Variants in HACL1 observed in about 807,000 individuals in gnomAD.
The protein encoded by HACL1 is 1600020H07Rik.
In HACL1, 64 loss-of-function variants were observed where a neutral mutation model predicts 74.2. The ratio of observed to expected loss-of-function variants is 0.86; its 90% CI spans 0.70 to 1.06. The LOEUF is 1.06. Among genes scored for constraint, HACL1 ranks in the 50% least tolerant of loss-of-function variants. HACL1 has a pLI of 0.00. For missense variants in HACL1, 728 were observed against 719.7 expected (o/e 1.01, Z -0.13); for synonymous variants, 230 against 238.8 (o/e 0.96, Z 0.34).
rs1402801621 is a variant in HACL1, at chr3:15,560,765, T to C, written c.*100A>G. 2.5e-6 allele frequency: 2 copies of C among 811,332 alleles called. No homozygotes were observed. The highest frequency in any genetic ancestry group is 2.1e-6 in the Non-Finnish European group (1 of 475,310). The allele number at this position is 811,332 out of a possible 1,614,324, so 50.3% of individuals were successfully genotyped here. ...AAAATGTCATTTTAAATGTTTATTT[T>C]ATTTTGCACAATTTTAACAGTAGAG... On this transcript the variant is annotated 3_prime_UTR_variant, in exon 17 of 17. Transcript: ENST00000321169.
intron 16 of HACL1, among the ~76,000 whole-genome samples, chr3:15,562,375 C>G (rs2063358350): frequency 6.6e-6 from 1 of 152,192 alleles, no homozygotes; most frequent in African/African-American, 2.4e-5. Flanking sequence ...TCTCCTCTCT[C>G]TGCTAGGAAG....
chr3:15,588,689 T>C (rs1425590475), intron 5 of HACL1, among the ~76,000 whole-genome samples: 1 of 152,150 alleles, frequency 6.6e-6, no homozygotes, highest in Non-Finnish European at 1.5e-5. Flanking sequence ...GCTCCAGCAA[T>C]TCTCCCTCCT....
intron 4 of HACL1, among the ~76,000 whole-genome samples, chr3:15,590,501 T>G (rs2063871998): frequency 6.6e-6 from 1 of 152,180 alleles, no homozygotes; most frequent in South Asian, 2.1e-4. Flanking sequence ...ATGTTCCAAA[T>G]TGATTAGAAC....
chr3:15,592,264 A>ATACG lies in HACL1; in HGVS notation c.228-585_228-584insCGTA, dbSNP rs201169392. On this transcript the variant is annotated intron_variant, in intron 3 of 16. Transcript: ENST00000321169. Reference sequence around the variant, plus strand: ...TATACATACGTGTATATATGGATCCATATATACGTATACATACGTGTATAT... The same window carrying ATACG: ...TATACATACGTGTATATATGGATCCATACGTATATACGTATACATACGTGTATAT... Among the ~76,000 whole-genome samples, 1,094 of 150,290 alleles carry ATACG rather than the reference A, an allele frequency of 7.3e-3. 11 individuals carry two copies. Among genetic ancestry groups the ATACG allele is most frequent in the Non-Finnish European group, 0.011 (755 of 67,456 alleles).
chr3:15,580,241 C>G (rs1266791109), intron 8 of HACL1, among the ~76,000 whole-genome samples, 196 bp from the exon 9 acceptor site: 2 of 152,174 alleles, frequency 1.3e-5, no homozygotes, highest in Non-Finnish European at 2.9e-5. Context: ...AATCTTTCCT[C>G]CTCAGCTTCC....
intron 9 of HACL1, among the ~76,000 whole-genome samples, chr3:15,579,116 T>C (rs1016219400): frequency 3.3e-5 from 5 of 152,216 alleles, no homozygotes; most frequent in Admixed American, 6.5e-5. Flanking sequence ...CGTTGACTGA[T>C]TGCTAAGAGA....
intron 3 of HACL1, chr3:15,596,162 A>AGT (rs1193580101): frequency 2.0e-6 from 1 of 496,218 alleles, no homozygotes; most frequent in East Asian, 3.4e-5. Flanking sequence ...TCTGATCACC[A>AGT]GTGATTCACT....
At chr3:15,593,279 T>C (rs1194706166) in intron 3 of HACL1, among the ~76,000 whole-genome samples, 1 of 151,700 alleles carries the variant, frequency 6.6e-6, no homozygotes, top group African/African-American at 2.4e-5. Flanking sequence ...AGTGGCATGA[T>C]CAGGGCTCAC....
At chr3:15,593,491 T>C (rs2063995606) in intron 3 of HACL1, among the ~76,000 whole-genome samples, 1 of 152,074 alleles carries the variant, frequency 6.6e-6, no homozygotes, top group Non-Finnish European at 1.5e-5. Flanking sequence ...AGTGCTGGGA[T>C]TACAGGCATA....
chr3:15,600,828 A>G, intron 2 of HACL1: 1 of 561,142 alleles, frequency 1.8e-6, no homozygotes, highest in East Asian at 3.0e-5. Context: ...TAGTAAGAGA[A>G]TGGACTCAGA....
At chr3:15,582,810 T>G in intron 8 of HACL1, 67 bp downstream of exon 8, 1 of 758,358 alleles carries the variant, frequency 1.3e-6, no homozygotes, top group Non-Finnish European at 2.3e-6. Flanking sequence ...TAATAAACAA[T>G]GAAAGTTTGT....
intron 15 of HACL1, among the ~76,000 whole-genome samples, chr3:15,563,912 G>A (rs532041668): frequency 1.3e-5 from 2 of 152,154 alleles, no homozygotes; most frequent in Admixed American, 1.3e-4. Context: ...CATGCCTAGT[G>A]GCTACTATAC....
chr3:15,565,966 T>C (rs1335624374), intron 14 of HACL1, among the ~76,000 whole-genome samples: 1 of 152,216 alleles, frequency 6.6e-6, no homozygotes, highest in African/African-American at 2.4e-5. Context: ...TTTAAAGTAA[T>C]CTAGACATCA....
rs977107228 is a variant in HACL1 at position 15,580,052 on chromosome 3, G to C, written c.668-7C>G. 1 of 1,610,002 alleles carries C rather than the reference G, an allele frequency of 6.2e-7. No homozygotes were observed. The highest frequency in any genetic ancestry group is 8.5e-7 in the Non-Finnish European group (1 of 1,176,924). ...GCATGAGCGTAAGCAGCACCTATAA[G>C]AAATGCAAATGTATTGGACAATTCA... On this transcript the variant is annotated splice_region_variant and splice_polypyrimidine_tract_variant and intron_variant, in intron 8 of 16. Transcript: ENST00000321169.
At chr3:15,592,103 G>T (rs11716782) in intron 3 of HACL1, among the ~76,000 whole-genome samples, 2 of 137,160 alleles carry the variant, frequency 1.5e-5, no homozygotes, top group Non-Finnish European at 3.0e-5. Context: ...CACTATATAC[G>T]TATATATACA....
At chr3:15,583,383 C>A (rs1431127165) in intron 7 of HACL1, among the ~76,000 whole-genome samples, 1 of 152,150 alleles carries the variant, frequency 6.6e-6, no homozygotes, top group African/African-American at 2.4e-5. Context: ...TGGCTTTGTA[C>A]TGTAGTAGCA....
At chr3:15,564,491 T>C in intron 15 of HACL1, 60 bp downstream of exon 15, 2 of 794,672 alleles carry the variant, frequency 2.5e-6, no homozygotes, top group South Asian at 3.0e-5. Context: ...TAGAAGACTT[T>C]TTAAAAAGAG....
At chr3:15,571,824 T>TC (rs1559550076) in intron 11 of HACL1, 55 bp from the exon 12 acceptor site, 10 of 441,212 alleles carry the variant, frequency 2.3e-5, no homozygotes, top group African/African-American at 4.6e-5. Flanking sequence ...CTTTGCCTTT[T>TC]TTTTCTTTTT....
chr3:15,571,693 AT>A lies in HACL1; in HGVS notation c.1069del (p.Met357Ter). On this transcript the variant is annotated frameshift_variant, in exon 12 of 17. Coordinates refer to ENST00000321169, the MANE Select transcript of HACL1 (RefSeq NM_012260.4). LOFTEE classifies it high-confidence loss of function. ...SKWWKTLREK[M>X]KSNEAASKEL... Reference sequence around the variant, plus strand: ...CTTGGATGCAGCTTCATTGCTCTTCATTTTTTCTCTCAGAGTTTTCCACCAC... The same window carrying A: ...CTTGGATGCAGCTTCATTGCTCTTCATTTTTCTCTCAGAGTTTTCCACCAC... 2.0e-6 allele frequency: 3 copies of A among 1,511,148 alleles called. No homozygotes were observed. The highest frequency in any genetic ancestry group is 2.8e-6 in the Non-Finnish European group (3 of 1,089,166). The allele number at this position is 1,511,148 out of a possible 1,614,324, so 93.6% of individuals were successfully genotyped here.
Sources: allele counts gnomAD v4.1 joint callset (sites outside exome capture counted in the v4.1 genomes callset), GRCh38; gene constraint gnomAD v4.1.1; transcripts MANE v1.5; gene names NCBI Gene and HGNC (gene_info 2026-07-23, HGNC 2026-07-21).